The following MTDH variants were observed in gnomAD, a reference collection of about 807,000 sequenced individuals.
MTDH encodes protein LYRIC.
A neutral mutation model predicts 72.7 loss-of-function variants in MTDH; 34 were observed. The ratio of observed to expected loss-of-function variants is 0.47; its 90% CI spans 0.36 to 0.62. The LOEUF (loss-of-function observed/expected upper bound fraction) is 0.62, where lower values mean the gene tolerates loss of function less well. MTDH is among the 20% of genes least tolerant of loss of function. The pLI is 0.00. For missense variants in MTDH, 677 were observed against 699.4 expected, an observed-to-expected ratio of 0.97 and a Z score of 0.36; for synonymous variants, 266 against 268.9, an observed-to-expected ratio of 0.99 and a Z score of 0.10.
intron 2 of MTDH, among the ~76,000 whole-genome samples, chr8:97,665,552 A>T (rs766278311): frequency 4.6e-5 from 7 of 152,218 alleles, no homozygotes; most frequent in Non-Finnish European, 1.0e-4. Flanking sequence ...GAGAAAGGTT[A>T]TCCTACTTGG....
At chr8:97,709,949 A>G (rs1400432961) in intron 8 of MTDH, among the ~76,000 whole-genome samples, 1 of 152,234 alleles carries the variant, frequency 6.6e-6, no homozygotes, top group Non-Finnish European at 1.5e-5. Context: ...GCCGTGGGAA[A>G]CTACATTTCT....
intron 5 of MTDH, 150 bp from the exon 6 acceptor site, chr8:97,690,802 T>A: frequency 1.6e-6 from 1 of 609,682 alleles, no homozygotes; most frequent in Admixed American, 3.1e-5. Flanking sequence ...TCAAGCCTCC[T>A]GTTTTTAAAT....
At chr8:97,650,097 C>T (rs1043815106) in intron 1 of MTDH, among the ~76,000 whole-genome samples, 1 of 151,942 alleles carries the variant, frequency 6.6e-6, no homozygotes, top group African/African-American at 2.4e-5. Flanking sequence ...GCTGGGACTA[C>T]AGGCGCCCAC....
At chr8:97,724,131 A>G (rs1237754502) in intron 11 of MTDH, among the ~76,000 whole-genome samples, 3 of 152,306 alleles carry the variant, frequency 2.0e-5, no homozygotes, top group East Asian at 3.9e-4. Flanking sequence ...CTATCTATCT[A>G]TCTCTGAAGG....
Position 97,725,794 on chromosome 8 carries a change from A to G in MTDH, c.*1124A>G, listed in dbSNP as rs1815327336. 1.3e-5 allele frequency: 2 copies of G among 152,612 alleles called. No individual in the cohort carries two copies. Among genetic ancestry groups the G allele is most frequent in the African/African-American group, 4.8e-5 (2 of 41,436 alleles). 9.5% of individuals were successfully genotyped at this position (152,612 alleles called of 1,614,324 possible). ...TATATTGATTTAAATGATGTGTGAG[A>G]TGTTTCACCATTTTCAGGCACTGTG... On this transcript the variant is annotated 3_prime_UTR_variant, in exon 12 of 12. Transcript: ENST00000336273.
At chr8:97,651,859 C>T (rs1345657821) in intron 1 of MTDH, among the ~76,000 whole-genome samples, 1 of 152,168 alleles carries the variant, frequency 6.6e-6, no homozygotes, top group Non-Finnish European at 1.5e-5. Flanking sequence ...TTCTTGCCTT[C>T]TCCCAGTCTT....
Position 97,661,164 on chromosome 8 carries a change from A to G in MTDH, c.474A>G (p.Lys158=), listed in dbSNP as rs1416078240. 1 of 1,610,180 alleles carries G rather than the reference A, an allele frequency of 6.2e-7. No homozygotes were observed. The highest frequency in any genetic ancestry group is 2.2e-5 in the East Asian group (1 of 44,772). ...TAKQPPEIDK[K]NEKSKKNKKK... Reference sequence around the variant, plus strand: ...AGCAGCCACCAGAGATTGACAAGAAAAATGAAAAGGTAAGTTTGGGAGCAT... The same window carrying G: ...AGCAGCCACCAGAGATTGACAAGAAGAATGAAAAGGTAAGTTTGGGAGCAT... Residue 158 remains lysine (K), a synonymous_variant, in exon 2 of 12, where the codon AAA becomes AAG. Transcript: ENST00000336273.
intron 3 of MTDH, 32 bp from the exon 4 acceptor site, chr8:97,687,397 T>C: frequency 6.4e-7 from 1 of 1,555,436 alleles, no homozygotes; most frequent in Non-Finnish European, 8.7e-7. Context: ...TTCCCCTTAC[T>C]GAATAACATT....
rs147334811 is a variant in MTDH at position 97,685,075 on chromosome 8, C to T, written c.484-1593C>T. 5.3e-5 allele frequency among the ~76,000 whole-genome samples: 8 copies of T among 151,884 alleles called. No homozygotes were observed. In the East Asian group the frequency reaches 1.6e-3, roughly 29 times the overall value. ...AGCGAGACTCCGTCTCAAAAAAAAC[C>T]AAAAAATAATAATTTTGATAGTTGT... On this transcript the variant is annotated intron_variant, in intron 2 of 11. Coordinates refer to ENST00000336273, the MANE Select transcript of MTDH (RefSeq NM_178812.4).
intron 2 of MTDH, among the ~76,000 whole-genome samples, chr8:97,662,660 C>G (rs534952071): frequency 5.1e-4 from 77 of 151,874 alleles, no homozygotes; most frequent in African/African-American, 1.8e-3. Flanking sequence ...GTGGCACATG[C>G]CTGTAATCCC....
chr8:97,667,097 CCTT>C lies in MTDH; in HGVS notation c.483+5927_483+5929del, dbSNP rs59920420. 6.1e-3 allele frequency among the ~76,000 whole-genome samples: 936 copies of C among 152,314 alleles called. 9 individuals carry two copies. The highest frequency in any genetic ancestry group is 0.021 in the African/African-American group (874 of 41,574). On this transcript the variant is annotated intron_variant, in intron 2 of 11. Transcript: ENST00000336273. ...CCTCGACCTCCCAGGCTCAAGCAAT[CCTT>C]CTACCTCAGCCTCCCAAGTAGCTGG...
intron 6 of MTDH, among the ~76,000 whole-genome samples, chr8:97,698,328 A>G (rs530375512): frequency 1.3e-5 from 2 of 152,220 alleles, no homozygotes; most frequent in Non-Finnish European, 2.9e-5. Context: ...CTGATGGAAA[A>G]CCACTGCTTT....
chr8:97,692,355 A>G (rs990602920), intron 6 of MTDH, among the ~76,000 whole-genome samples: 1 of 151,938 alleles, frequency 6.6e-6, no homozygotes, highest in East Asian at 1.9e-4. Context: ...AACTATTCCC[A>G]TATTATTCAA....
chr8:97,722,836 A>G, intron 10 of MTDH, 43 bp from the exon 11 acceptor site: 1 of 1,566,114 alleles, frequency 6.4e-7, no homozygotes, highest in South Asian at 1.2e-5. Flanking sequence ...ACTTTATTTG[A>G]AAATTTCACC....
In MTDH at chr8:97,689,166, C is replaced by T. The variant is rs1023916820; in HGVS notation, c.811+63C>T. On this transcript the variant is annotated intron_variant, in intron 5 of 11. Transcript: ENST00000336273. The stretch of plus-strand genomic sequence containing the variant: ...TCAAAATAGAAATTTATATACATAC[C>T]TCTTTCCTCAAATGAATGACACAGA... 7.2e-6 allele frequency: 6 copies of T among 833,384 alleles called. No individual in the cohort carries two copies. In the African/African-American group the frequency reaches 1.0e-4, roughly 14 times the overall value. The allele number at this position is 833,384 out of a possible 1,614,324, so 51.6% of individuals were successfully genotyped here. A position where few individuals can be genotyped will look rare whatever the true frequency, so the allele number is the denominator to read the frequency against.
chr8:97,657,271 T>C (rs1346677059), intron 1 of MTDH, among the ~76,000 whole-genome samples: 2 of 152,228 alleles, frequency 1.3e-5, no homozygotes, highest in Non-Finnish European at 2.9e-5. Flanking sequence ...CATTTTTCTG[T>C]TACTGGTTGA....
chr8:97,722,744 T>TA (rs1815178393), intron 10 of MTDH, 135 bp from the exon 11 acceptor site: 1 of 699,622 alleles, frequency 1.4e-6, no homozygotes, highest in Non-Finnish European at 2.2e-6. Context: ...AGAGGGCAGG[T>TA]ATGAGTTACA....
At chr8:97,664,665 T>G (rs1026039042) in intron 2 of MTDH, among the ~76,000 whole-genome samples, 1 of 152,182 alleles carries the variant, frequency 6.6e-6, no homozygotes, top group Non-Finnish European at 1.5e-5. Flanking sequence ...GTATTGCGCT[T>G]TGTGTTTTAA....
intron 2 of MTDH, among the ~76,000 whole-genome samples, chr8:97,667,831 T>TAA (rs542822923): frequency 0.028 from 3,283 of 116,212 alleles, 103 homozygotes; most frequent in South Asian, 0.065. Context: ...GTCTCTATAT[T>TAA]AAAAAAAAAA....
Sources: gnomAD v4.1 joint callset for allele counts (sites outside exome capture counted in the v4.1 genomes callset) on GRCh38, gnomAD v4.1.1 for gene constraint, MANE v1.5 for transcripts, NCBI Gene and HGNC (gene_info 2026-07-23, HGNC 2026-07-21) for gene names.